POTEC: variants seen among roughly 807,000 people sequenced by gnomAD.
The protein encoded by POTEC is ANKRD26-like family B member 2.
Under a neutral mutation model 62.0 loss-of-function variants are expected in POTEC, and 35 were observed. The observed-to-expected ratio is 0.56, with a 90% CI of 0.43 to 0.75. The LOEUF (loss-of-function observed/expected upper bound fraction) is 0.75, where lower values mean the gene tolerates loss of function less well. Among genes scored for constraint, POTEC ranks in the 30% least tolerant of loss-of-function variants. The pLI is 0.00. For missense variants in POTEC, 472 were observed against 655.9 expected (o/e 0.72, Z 3.06); for synonymous variants, 156 against 221.5 (o/e 0.70, Z 2.62).
At chr18:14,531,809 T>C (rs1905526893) in intron 5 of POTEC, 1 of 152,050 alleles carries the variant, frequency 6.6e-6, no homozygotes, top group Non-Finnish European at 1.5e-5. Context: ...ACATGATTTG[T>C]GATGAGTCAT....
chr18:14,522,181 T>C, intron 9 of POTEC, 73 bp downstream of exon 9: 1 of 1,597,484 alleles, frequency 6.3e-7, no homozygotes, highest in Non-Finnish European at 8.5e-7. Context: ...TTGTTCATCA[T>C]GAATATTAGC....
At chr18:14,532,593 T>C (rs1467265151) in intron 5 of POTEC, among the ~76,000 whole-genome samples, 13 of 152,094 alleles carry the variant, frequency 8.5e-5, no homozygotes, top group Admixed American at 5.9e-4. Context: ...TCCTTTTTTT[T>C]CTCCTCCTTC....
chr18:14,535,588 C>T (rs548221325), intron 3 of POTEC, among the ~76,000 whole-genome samples: 1,700 of 151,028 alleles, frequency 0.011, 20 homozygotes, highest in Middle Eastern at 0.062. Flanking sequence ...ATTACTGAAA[C>T]TAAGAGATTT....
At chr18:14,518,648 T>C (rs1910230408) in intron 9 of POTEC, among the ~76,000 whole-genome samples, 1 of 143,486 alleles carries the variant, frequency 7.0e-6, no homozygotes, top group Non-Finnish European at 1.5e-5. Context: ...TGTTCCTTAA[T>C]GTGTTTCTTT....
intron 6 of POTEC, chr18:14,528,842 C>T (rs1910506765): frequency 2.4e-6 from 1 of 424,616 alleles, no homozygotes; most frequent in Non-Finnish European, 4.7e-6. Flanking sequence ...AAGTATTCAC[C>T]TTATTCCCAA....
intron 9 of POTEC, among the ~76,000 whole-genome samples, chr18:14,514,679 TAAG>T (rs1271115544): frequency 7.5e-6 from 1 of 133,730 alleles, no homozygotes; most frequent in Non-Finnish European, 1.6e-5. Context: ...TCATGCATAT[TAAG>T]AAGAAAACTG....
Position 14,543,268 on chromosome 18 carries a change from C to T in POTEC, c.-122G>A. Reference sequence around the variant, plus strand: ...TTTGAAGAGAAAGGTCAATCCCAGCCAAAACTTGCCAACCCCAGCAAGGGA... The same window carrying T: ...TTTGAAGAGAAAGGTCAATCCCAGCTAAAACTTGCCAACCCCAGCAAGGGA... On this transcript the variant is annotated 5_prime_UTR_variant, in exon 1 of 11. Transcript: ENST00000358970. 11 of 1,435,520 alleles carry T rather than the reference C, an allele frequency of 7.7e-6. No homozygotes were observed. Among genetic ancestry groups the T allele is most frequent in the Non-Finnish European group, 1.0e-5 (11 of 1,062,074 alleles). 88.9% of individuals were successfully genotyped at this position (1,435,520 alleles called of 1,614,324 possible).
Position 14,533,301 on chromosome 18 carries a change from G to C in POTEC, c.918-103C>G, listed in dbSNP as rs932662756. ...ATTTAACATCTTGCCTGTCCATGCA[G>C]AATCAAACATTTACATGCACTAAAA... is the stretch of plus-strand genomic sequence containing the variant. On this transcript the variant is annotated intron_variant, in intron 4 of 10. Transcript: ENST00000358970. The C allele has an allele frequency of 3.2e-6, 5 of 1,542,678 alleles. No individual in the cohort carries two copies. In the African/African-American group the frequency reaches 6.9e-5, roughly 21 times the overall value.
chr18:14,536,875 T>C (rs1438410498), intron 3 of POTEC, among the ~76,000 whole-genome samples: 1 of 152,056 alleles, frequency 6.6e-6, no homozygotes, highest in Non-Finnish European at 1.5e-5. Flanking sequence ...GCCTCTTATC[T>C]CCCACCTTCC....
intron 10 of POTEC, among the ~76,000 whole-genome samples, chr18:14,512,371 T>C (rs1191543344): frequency 6.6e-6 from 1 of 152,232 alleles, no homozygotes; most frequent in Admixed American, 6.5e-5. Flanking sequence ...GCCTTAGCTA[T>C]GCGTATATTA....
chr18:14,511,983 C>G lies in POTEC; in HGVS notation c.1544G>C (p.Ser515Thr). ...EKKMNSELSL[S>T]HKKEEDLLRE... is the part of the protein sequence containing the mutation. The stretch of plus-strand genomic sequence containing the variant: ...CAAGAGATCTTCTTCTTTCTTATGA[C>G]TAAGAGAAAGCTAAGTAAACAAAGG... The change falls in exon 11 of 11, where the codon AGT becomes ACT. Residue 515 changes from serine (S) to threonine (T), a missense_variant. Ser to Thr is a moderately conservative substitution (Grantham distance 58). Transcript: ENST00000358970. The G allele has an allele frequency of 4.3e-6, 7 of 1,612,692 alleles. No individual in the cohort carries two copies. Among genetic ancestry groups the G allele is most frequent in the African/African-American group, 1.3e-5 (1 of 74,920 alleles).
At position 14,510,636 on chromosome 18, in the gene POTEC, G is replaced by C. The variant is rs1200386597; in HGVS notation, c.*1262C>G. 6.6e-6 allele frequency: 1 copy of C among 152,270 alleles called. No individual in the cohort carries two copies. 9.4% of individuals were successfully genotyped at this position (152,270 alleles called of 1,614,324 possible). ...GCCTGCCCTTCCCTCTGGGAGCTCT[G>C]TACCTCTGAGGTATGAACCTGTTGC... On this transcript the variant is annotated 3_prime_UTR_variant, in exon 11 of 11. Transcript: ENST00000358970.
chr18:14,532,274 C>T (rs545147761), intron 5 of POTEC, among the ~76,000 whole-genome samples: 3 of 152,222 alleles, frequency 2.0e-5, no homozygotes, highest in Non-Finnish European at 2.9e-5. Flanking sequence ...GTGGGTTCCA[C>T]ATTAGGTTCT....
At position 14,509,708 on chromosome 18, in the gene POTEC, T is replaced by C. The variant is rs918172484; in HGVS notation, c.*2190A>G. On this transcript the variant is annotated 3_prime_UTR_variant, in exon 11 of 11. Coordinates refer to ENST00000358970, the MANE Select transcript of POTEC (RefSeq NM_001137671.2). ...AGCAGGTGTGGCCTGGCTGGGGTCC[T>C]GGGAGAGGCAAGCAGACTAAGGGGT... The C allele has an allele frequency of 6.8e-6, 1 of 146,684 alleles. No individual in the cohort carries two copies. Among genetic ancestry groups the C allele is most frequent in the African/African-American group, 2.5e-5 (1 of 39,914 alleles). 9.1% of individuals were successfully genotyped at this position (146,684 alleles called of 1,614,324 possible). A position where few individuals can be genotyped will look rare whatever the true frequency, so the allele number is the denominator to read the frequency against.
chr18:14,524,354 T>G (rs1466110085), intron 7 of POTEC, among the ~76,000 whole-genome samples: 2 of 152,172 alleles, frequency 1.3e-5, no homozygotes, highest in African/African-American at 2.4e-5. Context: ...GCAGAATATG[T>G]CTTTAACCTT....
At chr18:14,520,093 T>C (rs978912682) in intron 9 of POTEC, among the ~76,000 whole-genome samples, 1 of 152,190 alleles carries the variant, frequency 6.6e-6, no homozygotes, top group Admixed American at 6.5e-5. Context: ...TTCGTGAGTG[T>C]AGACAGTTCT....
chr18:14,541,004 C>T lies in POTEC; in HGVS notation c.521+1622G>A, dbSNP rs1598482802. Reference sequence around the variant, plus strand: ...CTCCCTGGTTCAAGCAATTCTCCTGCCTCAGCCTCCTGAGTAGCTAAGATT... The same window carrying T: ...CTCCCTGGTTCAAGCAATTCTCCTGTCTCAGCCTCCTGAGTAGCTAAGATT... On this transcript the variant is annotated intron_variant, in intron 1 of 10. Transcript: ENST00000358970. Among the ~76,000 whole-genome samples, 7 of 152,262 alleles carry T rather than the reference C, an allele frequency of 4.6e-5. No homozygotes were observed. The South Asian group carries it at 1.5e-3, about 32-fold the overall frequency.
intron 1 of POTEC, among the ~76,000 whole-genome samples, chr18:14,538,465 C>T (rs1905824832): frequency 6.6e-6 from 1 of 152,194 alleles, no homozygotes; most frequent in African/African-American, 2.4e-5. Context: ...TCTTGGATGA[C>T]ATTCAACTTG....
intron 9 of POTEC, among the ~76,000 whole-genome samples, chr18:14,514,906 C>A (rs1311877554): frequency 1.3e-5 from 2 of 152,044 alleles, no homozygotes; most frequent in East Asian, 3.9e-4. Flanking sequence ...CACTATACAC[C>A]AACTACAACC....
Sources: gnomAD v4.1 joint callset for allele counts (sites outside exome capture counted in the v4.1 genomes callset) on GRCh38, gnomAD v4.1.1 for gene constraint, MANE v1.5 for transcripts, NCBI Gene and HGNC (gene_info 2026-07-23, HGNC 2026-07-21) for gene names.